FBH1: variants seen among roughly 807,000 people sequenced by gnomAD.
FBH1 encodes DNA 3'-5' helicase 1.
A neutral mutation model predicts 115.5 loss-of-function variants in FBH1; 43 were observed. The observed-to-expected ratio is 0.37, with a 90% CI of 0.29 to 0.48. FBH1 has a LOEUF of 0.48. Ranked by LOEUF, FBH1 falls within the 20% of genes least tolerant of loss-of-function variation. The pLI is 0.99. For synonymous variants in FBH1, 524 were observed against 507.8 expected (o/e 1.03, Z -0.43); for missense variants, 1,001 against 1,337.3 (o/e 0.75, Z 3.92).
At position 5,921,107 on chromosome 10, in the gene FBH1, C is replaced by T; in HGVS notation, c.2101-151C>T. On this transcript the variant is annotated intron_variant, in intron 13 of 20. Coordinates refer to ENST00000362091, the MANE Select transcript of FBH1 (RefSeq NM_178150.3). This position sits in a 1 kb window ranked among gnomAD's most constrained non-coding sequence, Gnocchi z 6.4. ...TAAAGACTGCTGAGTTGTGAAGGAC[C>T]TTGAAAGTGAGCCTGTGAAGTTCGC... The T allele has an allele frequency of 1.6e-6, 1 of 632,998 alleles. No homozygotes were observed. 39.2% of individuals were successfully genotyped at this position (632,998 alleles called of 1,614,324 possible).
intron 1 of FBH1, among the ~76,000 whole-genome samples, chr10:5,898,266 G>A (rs535463750): frequency 6.6e-6 from 1 of 152,314 alleles, no homozygotes; most frequent in South Asian, 2.1e-4. Context: ...GGTGAGGGCC[G>A]CTTCCTGGTT....
chr10:5,891,547 T>C (rs941064058), intron 1 of FBH1, among the ~76,000 whole-genome samples: 1 of 152,204 alleles, frequency 6.6e-6, no homozygotes, highest in African/African-American at 2.4e-5. Context: ...TTCTCTTGCA[T>C]TATGTCTCTA....
In FBH1 at chr10:5,916,322, A is replaced by C. The variant is rs909792370; in HGVS notation, c.1654A>C (p.Arg552=). The change falls in exon 10 of 21, where the codon AGA becomes CGA. Residue 552 remains arginine (R), a synonymous_variant. Transcript: ENST00000362091. ...TGCTGAAGGGAAGGGTGGATTCATA[A>C]GAGCCAAGCTTGTGTGTAAGACTCT... is the stretch of plus-strand genomic sequence containing the variant. ...VLAEGKGGFI[R]AKLVCKTLEN... 6 of 1,614,250 alleles carry C rather than the reference A, an allele frequency of 3.7e-6. No individual in the cohort carries two copies. In the South Asian group the frequency reaches 6.6e-5, roughly 18 times the overall value.
At chr10:5,896,011 G>C (rs1350327122) in intron 1 of FBH1, among the ~76,000 whole-genome samples, 1 of 152,162 alleles carries the variant, frequency 6.6e-6, no homozygotes, top group African/African-American at 2.4e-5. Flanking sequence ...TTTCAATAAA[G>C]AAGATTAAAA....
upstream of FBH1, chr10:5,890,192 T>G (rs1842610959): frequency 3.0e-6 from 1 of 338,260 alleles, no homozygotes; most frequent in South Asian, 1.4e-4. Flanking sequence ...TTCCCGGGGC[T>G]GCGGCGGGGC....
Position 5,911,055 on chromosome 10 carries a change from G to A in FBH1, c.1138G>A (p.Val380Ile), listed in dbSNP as rs746558346. ...RPSSTVTMPD[V>I]TETLYCIAVL... is the part of the protein sequence containing the mutation. ...CAGCTCCACGGTGACCATGCCAGATGTCACCGAGACCCTGTACTGCATAGC... is the reference window on the plus strand; with the variant it reads ...CAGCTCCACGGTGACCATGCCAGATATCACCGAGACCCTGTACTGCATAGC... The change falls in exon 6 of 21, where the codon GTC becomes ATC. Residue 380 changes from valine (V) to isoleucine (I), a missense_variant. Transcript: ENST00000362091. The surrounding 1 kb of genome is among the most constrained non-coding windows in gnomAD (Gnocchi z 5.4). 9.3e-6 allele frequency: 15 copies of A among 1,613,442 alleles called. No individual in the cohort carries two copies. The East Asian group carries it at 2.0e-4, about 22-fold the overall frequency.
chr10:5,901,604 G>A (rs182702834), intron 1 of FBH1, among the ~76,000 whole-genome samples: 3 of 130,806 alleles, frequency 2.3e-5, no homozygotes, highest in African/African-American at 8.8e-5. Flanking sequence ...TTGTACTCTC[G>A]TCCAGGCTGG....
chr10:5,919,738 G>C (rs1832204910), intron 13 of FBH1, among the ~76,000 whole-genome samples: 2 of 152,206 alleles, frequency 1.3e-5, no homozygotes, highest in African/African-American at 4.8e-5. Context: ...TGAAAGTTCC[G>C]TAGACGCCTC....
Position 5,913,829 on chromosome 10 carries a change from G to A in FBH1, c.1294G>A (p.Val432Ile). The A allele has an allele frequency of 6.3e-7, 1 of 1,598,826 alleles. No homozygotes were observed. The highest frequency in any genetic ancestry group is 8.5e-7 in the Non-Finnish European group (1 of 1,175,808). Reference protein sequence around the residue: ...QATKVKEEPSVWPGKKTIQLT... With the variant: ...QATKVKEEPSIWPGKKTIQLT... The stretch of plus-strand genomic sequence containing the variant: ...CACAAAAGTTAAAGAGGAGCCATCT[G>A]TCTGGCCAGGGTATGTGTATATGTG... The change falls in exon 7 of 21, where the codon GTC becomes ATC. Residue 432 changes from valine (V) to isoleucine (I), a missense_variant. Transcript: ENST00000362091. The surrounding 1 kb of genome is among the most constrained non-coding windows in gnomAD (Gnocchi z 4.4).
At chr10:5,907,468 G>GGTT (rs1843772301) in intron 3 of FBH1, among the ~76,000 whole-genome samples, 1 of 130,898 alleles carries the variant, frequency 7.6e-6, no homozygotes, top group African/African-American at 2.8e-5. Flanking sequence ...TTTTGTTGTT[G>GGTT]TTGGTTTTTT....
intron 19 of FBH1, among the ~76,000 whole-genome samples, 196 bp downstream of exon 19, chr10:5,927,737 C>G (rs1832736700): frequency 6.6e-6 from 1 of 152,126 alleles, no homozygotes; most frequent in Admixed American, 6.5e-5. Context: ...TGGTTCTTTT[C>G]TAAGTCATTT....
In FBH1 at chr10:5,897,051, G is replaced by T. The variant is rs1843052107; in HGVS notation, c.2-5969G>T. Among the ~76,000 whole-genome samples the T allele has an allele frequency of 6.6e-6, 1 of 152,192 alleles. No individual in the cohort carries two copies. The highest frequency in any genetic ancestry group is 2.4e-5 in the African/African-American group (1 of 41,450). On this transcript the variant is annotated intron_variant, in intron 1 of 20. Coordinates refer to ENST00000362091, the MANE Select transcript of FBH1 (RefSeq NM_178150.3). The surrounding 1 kb of genome is among the most constrained non-coding windows in gnomAD (Gnocchi z 4.7). ...GGTTTTATTTTTAACCATTTAGCAAGAACATTAATGCTATTAAAACTGATG... is the reference window on the plus strand; with the variant it reads ...GGTTTTATTTTTAACCATTTAGCAATAACATTAATGCTATTAAAACTGATG...
chr10:5,936,830 A>G lies in FBH1; in HGVS notation c.2961+243A>G. 1.6e-6 allele frequency: 1 copy of G among 613,732 alleles called. No individual in the cohort carries two copies. Among genetic ancestry groups the G allele is most frequent in the Non-Finnish European group, 2.8e-6 (1 of 356,944 alleles). 38.0% of individuals were successfully genotyped at this position (613,732 alleles called of 1,614,324 possible). ...AGGCTGGGTTGTGATACACGCTTAG[A>G]GAGAGAGCTGTTCCCTGGGGTCCCA... is the stretch of plus-strand genomic sequence containing the variant. On this transcript the variant is annotated intron_variant, in intron 20 of 20. Coordinates refer to ENST00000362091, the MANE Select transcript of FBH1 (RefSeq NM_178150.3). This position sits in a 1 kb window ranked among gnomAD's most constrained non-coding sequence, Gnocchi z 5.6.
rs75694828 is a variant in FBH1, at chr10:5,897,449, C to T, written c.2-5571C>T. 8.5e-3 allele frequency among the ~76,000 whole-genome samples: 1,287 copies of T among 152,164 alleles called. 9 individuals carry two copies. The highest frequency in any genetic ancestry group is 0.028 in the African/African-American group (1,175 of 41,510). ...CCCAGTTCAGAGCATCACAGCACCT[C>T]TCTCTGAGACCAGAGATACAGGTTA... On this transcript the variant is annotated intron_variant, in intron 1 of 20. Transcript: ENST00000362091. The surrounding 1 kb of genome is among the most constrained non-coding windows in gnomAD (Gnocchi z 4.7).
At position 5,921,496 on chromosome 10, in the gene FBH1, C is replaced by G; in HGVS notation, c.2249C>G (p.Thr750Ser). 1 of 1,600,446 alleles carries G rather than the reference C, an allele frequency of 6.2e-7. No individual in the cohort carries two copies. Among genetic ancestry groups the G allele is most frequent in the Non-Finnish European group, 8.5e-7 (1 of 1,176,628 alleles). ...AKGQVALLSR[T>S]NANVFDEAVR... ...GGGCAAGTGGCCTTGTTGTCCCGGA[C>G]CAACGCCAACGTGTTTGATGAGGCC... The change falls in exon 15 of 21, where the codon ACC (threonine) becomes AGC (serine). Residue 750 changes from threonine (T) to serine (S), a missense_variant. Thr to Ser is a moderately conservative substitution (Grantham distance 58). Transcript: ENST00000362091. The surrounding 1 kb of genome is among the most constrained non-coding windows in gnomAD (Gnocchi z 6.4).
At chr10:5,929,383 T>C (rs1832841596) in intron 19 of FBH1, 1 of 152,218 alleles carries the variant, frequency 6.6e-6, no homozygotes, top group South Asian at 2.1e-4. Context: ...AGGCCTCTCT[T>C]AGGTAGGCTG....
chr10:5,890,317 G>GGCA lies in FBH1; in HGVS notation c.-26_-24dup. The GGCA allele has an allele frequency of 5.3e-6, 2 of 377,220 alleles. No homozygotes were observed. Among genetic ancestry groups the GGCA allele is most frequent in the Non-Finnish European group, 9.9e-6 (2 of 202,838 alleles). The allele number at this position is 377,220 out of a possible 1,614,324, so 23.4% of individuals were successfully genotyped here. The stretch of plus-strand genomic sequence containing the variant: ...CCGGCGGCGCGGGCCCGGCGGCGGC[G>GGCA]GCAGCGGGGTCCGGGTCCGGAGCGC... On this transcript the variant is annotated 5_prime_UTR_variant, in exon 1 of 21. Coordinates refer to ENST00000362091, the MANE Select transcript of FBH1 (RefSeq NM_178150.3).
intron 9 of FBH1, 147 bp from the exon 10 acceptor site, chr10:5,916,087 C>T (rs1322474939): frequency 4.3e-6 from 3 of 692,988 alleles, no homozygotes; most frequent in Non-Finnish European, 7.2e-6. Context: ...ATGGACCATG[C>T]AGAACTTTTT....
In FBH1 at chr10:5,906,156, A is replaced by C; in HGVS notation, c.277A>C (p.Met93Leu). Reference protein sequence around the residue: ...QDSCQDSEGDMIFPAESSCAL... With the variant: ...QDSCQDSEGDLIFPAESSCAL... ...CAGCTGTCAGGACTCTGAGGGTGAC[A>C]TGATCTTTCCTGCAGAGAGCAGCTG... Residue 93 changes from methionine (M) to leucine (L), a missense_variant, in exon 3 of 21, where the codon ATG (methionine) becomes CTG (leucine). Met to Leu is a conservative substitution (Grantham distance 15, BLOSUM62 2). This residue lies in a region of FBH1 where 420 missense variants were observed against 430.4 expected (regional missense o/e 0.98). Coordinates refer to ENST00000362091, the MANE Select transcript of FBH1 (RefSeq NM_178150.3). The surrounding 1 kb of genome is among the most constrained non-coding windows in gnomAD (Gnocchi z 7.3). The C allele has an allele frequency of 1.2e-6, 2 of 1,612,830 alleles. No homozygotes were observed. The highest frequency in any genetic ancestry group is 1.7e-6 in the Non-Finnish European group (2 of 1,179,352).
Sources: allele counts gnomAD v4.1 joint callset (sites outside exome capture counted in the v4.1 genomes callset), GRCh38; gene constraint gnomAD v4.1.1; regional missense constraint gnomAD v4.1.1; non-coding constraint Gnocchi (gnomAD v3.1); transcripts MANE v1.5; gene names NCBI Gene and HGNC (gene_info 2026-07-23, HGNC 2026-07-21).